ERCC3: variants seen among roughly 807,000 people sequenced by gnomAD.
ERCC3 encodes the protein general transcription and DNA repair factor IIH helicase/translocase subunit XPB.
ERCC3 carries 66 observed loss-of-function variants against 94.2 expected under a neutral mutation model. The ratio of observed to expected loss-of-function variants is 0.70; its 90% CI spans 0.57 to 0.86. ERCC3 has a LOEUF of 0.86. Among genes scored for constraint, ERCC3 ranks in the 40% least tolerant of loss-of-function variants. The pLI, the probability that ERCC3 is intolerant of heterozygous loss-of-function variation, is 0.00. For synonymous variants in ERCC3, 349 were observed against 369.1 expected (o/e 0.95, Z 0.63); for missense variants, 829 against 987.1 (o/e 0.84, Z 2.15).
chr2:127,267,736 T>C (rs576515109), intron 12 of ERCC3, among the ~76,000 whole-genome samples: 3 of 152,252 alleles, frequency 2.0e-5, no homozygotes, highest in African/African-American at 7.2e-5. Flanking sequence ...TGGTAGCAGG[T>C]GTCACCATTC....
intron 12 of ERCC3, among the ~76,000 whole-genome samples, chr2:127,263,705 CTT>C (rs869251137): frequency 2.3e-5 from 2 of 88,728 alleles, no homozygotes; most frequent in Non-Finnish European, 5.3e-5. Flanking sequence ...TGTTCCAGTT[CTT>C]TTTTTTTTTT....
chr2:127,289,217 T>G (rs1553513076), intron 6 of ERCC3, 120 bp downstream of exon 6: 3 of 885,386 alleles, frequency 3.4e-6, no homozygotes, highest in Non-Finnish European at 5.7e-6. Context: ...GAGAAAGCAA[T>G]TCAGGGACCA....
In ERCC3 at chr2:127,287,608, T is replaced by C. The variant is rs995940527; in HGVS notation, c.1028-591A>G. Among the ~76,000 whole-genome samples, 27 of 152,184 alleles carry C rather than the reference T, an allele frequency of 1.8e-4. 1 individual carries two copies. The highest frequency in any genetic ancestry group is 1.4e-3 in the Admixed American group (21 of 15,280). On this transcript the variant is annotated intron_variant, in intron 7 of 14. Transcript: ENST00000285398. Reference sequence around the variant, plus strand: ...AAGATGGCGCCACTACACTCCAGCATGGGCAACGGAGCAAGACTCTGTCTC... The same window carrying C: ...AAGATGGCGCCACTACACTCCAGCACGGGCAACGGAGCAAGACTCTGTCTC...
At position 127,279,172 on chromosome 2, in the gene ERCC3, C is replaced by G; in HGVS notation, c.1730+1G>C. 6.2e-7 allele frequency: 1 copy of G among 1,604,912 alleles called. No individual in the cohort carries two copies. Among genetic ancestry groups the G allele is most frequent in the East Asian group, 2.2e-5 (1 of 44,826 alleles). On this transcript the variant is annotated splice_donor_variant, in intron 10 of 14. Coordinates refer to ENST00000285398, the MANE Select transcript of ERCC3 (RefSeq NM_000122.2). LOFTEE classifies it high-confidence loss of function. The surrounding 1 kb of genome is among the most constrained non-coding windows in gnomAD (Gnocchi z 4.7). Reference sequence around the variant, plus strand: ...GGAAGCTCCAAGTTTTCAATTCTTACTTGTTCAGTCGAATGGCATATTCCT... The same window carrying G: ...GGAAGCTCCAAGTTTTCAATTCTTAGTTGTTCAGTCGAATGGCATATTCCT...
chr2:127,286,610 G>T, intron 8 of ERCC3, 93 bp downstream of exon 8: 1 of 1,192,350 alleles, frequency 8.4e-7, no homozygotes. Flanking sequence ...CTAGCCAGTT[G>T]GGTGGGCTAC....
intron 10 of ERCC3, among the ~76,000 whole-genome samples, chr2:127,276,277 C>T (rs966044230): frequency 1.3e-5 from 2 of 152,174 alleles, no homozygotes; most frequent in African/African-American, 2.4e-5. Context: ...TGCCCAGCCA[C>T]TCTGGTGAGG....
At chr2:127,287,337 A>G (rs1685108611) in intron 7 of ERCC3, among the ~76,000 whole-genome samples, 1 of 152,198 alleles carries the variant, frequency 6.6e-6, no homozygotes, top group African/African-American at 2.4e-5. Flanking sequence ...AAGATAGAAA[A>G]ACCTGGCTGA....
At position 127,277,471 on chromosome 2, in the gene ERCC3, C is replaced by A. The variant is rs1684767045; in HGVS notation, c.1730+1702G>T. 6.6e-6 allele frequency among the ~76,000 whole-genome samples: 1 copy of A among 152,152 alleles called. No individual in the cohort carries two copies. The highest frequency in any genetic ancestry group is 6.5e-5 in the Admixed American group (1 of 15,282). On this transcript the variant is annotated intron_variant, in intron 10 of 14. Transcript: ENST00000285398. This position sits in a 1 kb window ranked among gnomAD's most constrained non-coding sequence, Gnocchi z 5.1. ...CTTTGGAAGGCCGAGGCAGGCAGAT[C>A]ACGAGGTCAAGAGATCGAGACCATC...
At position 127,273,296 on chromosome 2, in the gene ERCC3, AG is replaced by A. The variant is rs536281696; in HGVS notation, c.1731-336del. 1.4e-4 allele frequency among the ~76,000 whole-genome samples: 21 copies of A among 152,316 alleles called. No homozygotes were observed. In the South Asian group the frequency reaches 4.1e-3, roughly 30 times the overall value. On this transcript the variant is annotated intron_variant, in intron 10 of 14. Transcript: ENST00000285398. ...TCCACATTTCATGAAGCCCAAAGAG[AG>A]GTGCAAAGAAACCACTGCTATTTCC...
intron 7 of ERCC3, among the ~76,000 whole-genome samples, chr2:127,287,354 A>G (rs4150421): frequency 0.76 from 115,088 of 151,902 alleles, 43,825 homozygotes; most frequent in East Asian, 1. Flanking sequence ...CTGAGCCACC[A>G]TGCCACGGTG....
intron 8 of ERCC3, among the ~76,000 whole-genome samples, chr2:127,281,609 T>G (rs1191549752): frequency 6.6e-6 from 1 of 152,022 alleles, no homozygotes; most frequent in African/African-American, 2.4e-5. Flanking sequence ...ATTTCAGAAA[T>G]AAATAGACAC....
Position 127,292,718 on chromosome 2 carries a change from G to T in ERCC3, c.363C>A (p.Tyr121Ter). 6.2e-7 allele frequency: 1 copy of T among 1,614,140 alleles called. No homozygotes were observed. Among genetic ancestry groups the T allele is most frequent in the Non-Finnish European group, 8.5e-7 (1 of 1,180,010 alleles). ...THVHEYKLTA[Y>*]SLYAAVSVGL... ...CAACGCTGACAGCTGCATACAAGGA[G>T]TAGGCAGTTAGTTTGTACTCATGCA... is the stretch of plus-strand genomic sequence containing the variant. Residue 121 changes from tyrosine (Y) to a stop codon, truncating the protein, a stop_gained, in exon 3 of 15, where the codon TAC (tyrosine) becomes TAA (stop). Coordinates refer to ENST00000285398, the MANE Select transcript of ERCC3 (RefSeq NM_000122.2). LOFTEE classifies it high-confidence loss of function.
chr2:127,273,387 A>G (rs1256425976), intron 10 of ERCC3, among the ~76,000 whole-genome samples: 1 of 152,184 alleles, frequency 6.6e-6, no homozygotes, highest in African/African-American at 2.4e-5. Context: ...AGCAGAAAGG[A>G]GAAAAGTGCC....
At position 127,286,702 on chromosome 2, in the gene ERCC3, C is replaced by T. The variant is rs1223430690; in HGVS notation, c.1342+1G>A. 3 of 1,613,994 alleles carry T rather than the reference C, an allele frequency of 1.9e-6. No homozygotes were observed. Among genetic ancestry groups the T allele is most frequent in the Non-Finnish European group, 2.5e-6 (3 of 1,179,906 alleles). On this transcript the variant is annotated splice_donor_variant, in intron 8 of 14. Transcript: ENST00000285398. LOFTEE classifies it high-confidence loss of function. ...GGACAGCTCAGCTCCAGCCTGCTTACCTGGTATGGTGTGCACTTCATCCAG... is the reference window on the plus strand; with the variant it reads ...GGACAGCTCAGCTCCAGCCTGCTTATCTGGTATGGTGTGCACTTCATCCAG...
intron 1 of ERCC3, 148 bp downstream of exon 1, chr2:127,293,906 C>G: frequency 6.6e-7 from 1 of 1,525,084 alleles, no homozygotes; most frequent in Middle Eastern, 2.1e-4. Context: ...TCCAGCATCT[C>G]TCCCGCCCAA....
At chr2:127,261,422 G>A (rs1224643812) in intron 12 of ERCC3, 76 bp from the exon 13 acceptor site, 1 of 952,122 alleles carries the variant, frequency 1.1e-6, no homozygotes, top group Non-Finnish European at 1.7e-6. Context: ...AGGGTCCCAG[G>A]CTCAAAAGCA....
intron 10 of ERCC3, among the ~76,000 whole-genome samples, chr2:127,278,818 C>A (rs1684815697): frequency 6.6e-6 from 1 of 152,220 alleles, no homozygotes; most frequent in African/African-American, 2.4e-5. Flanking sequence ...GCCATCCAGT[C>A]TGGCCTCCTC....
chr2:127,278,169 T>C (rs1215771305), intron 10 of ERCC3, among the ~76,000 whole-genome samples: 1 of 149,448 alleles, frequency 6.7e-6, no homozygotes, highest in Non-Finnish European at 1.5e-5. Flanking sequence ...GCCCAGGGGG[T>C]CAAGGCTGCC....
At position 127,279,525 on chromosome 2, in the gene ERCC3, G is replaced by C; in HGVS notation, c.1528-150C>G. On this transcript the variant is annotated intron_variant, in intron 9 of 14. Transcript: ENST00000285398. The surrounding 1 kb of genome is among the most constrained non-coding windows in gnomAD (Gnocchi z 4.7). ...GCCTGTAATGCCAGCAGTTTGGGAGGCTGAGGCAGGCAGATCACTTGAGGC... is the reference window on the plus strand; with the variant it reads ...GCCTGTAATGCCAGCAGTTTGGGAGCCTGAGGCAGGCAGATCACTTGAGGC... The C allele has an allele frequency of 1.4e-6, 1 of 707,784 alleles. No individual in the cohort carries two copies. The highest frequency in any genetic ancestry group is 2.0e-5 in the Admixed American group (1 of 48,812). 43.8% of individuals were successfully genotyped at this position (707,784 alleles called of 1,614,324 possible).
Sources: allele counts gnomAD v4.1 joint callset (sites outside exome capture counted in the v4.1 genomes callset), GRCh38; gene constraint gnomAD v4.1.1; non-coding constraint Gnocchi (gnomAD v3.1); transcripts MANE v1.5; gene names NCBI Gene and HGNC (gene_info 2026-07-23, HGNC 2026-07-21).